ELF1: variants seen among roughly 807,000 people sequenced by gnomAD.
ELF1 encodes the protein E74 like ETS transcription factor 1.
A neutral mutation model predicts 59.9 loss-of-function variants in ELF1; 24 were observed. The ratio of observed to expected loss-of-function variants is 0.40; its 90% CI spans 0.29 to 0.56. The LOEUF is 0.56. Among genes scored for constraint, ELF1 ranks in the 20% least tolerant of loss-of-function variants. The pLI, the probability that ELF1 is intolerant of heterozygous loss-of-function variation, is 0.44. For missense variants in ELF1, 627 were observed against 742.2 expected (o/e 0.84, Z 1.80); for synonymous variants, 248 against 266.2 (o/e 0.93, Z 0.67).
chr13:40,980,655 C>T (rs1873204696), intron 2 of ELF1, among the ~76,000 whole-genome samples: 1 of 152,148 alleles, frequency 6.6e-6, no homozygotes, highest in Admixed American at 6.6e-5. Flanking sequence ...TCTGCTGCTA[C>T]ATCCTGAGAT....
intron 1 of ELF1, among the ~76,000 whole-genome samples, chr13:40,983,686 A>T (rs1873406530): frequency 6.9e-6 from 1 of 145,280 alleles, no homozygotes; most frequent in African/African-American, 2.6e-5. Flanking sequence ...TATCTAGAAG[A>T]GGGAAAAAAA....
At chr13:41,061,337 C>G (rs893425410) in exon 1 of ELF1, 2 of 448,254 alleles carry the variant, frequency 4.5e-6, no homozygotes, top group Non-Finnish European at 8.1e-6. Flanking sequence ...GGCGCAGGGA[C>G]TTGAGGCTTG....
At chr13:40,936,081 C>T (rs1869750471) in intron 8 of ELF1, among the ~76,000 whole-genome samples, 1 of 152,062 alleles carries the variant, frequency 6.6e-6, no homozygotes, top group African/African-American at 2.4e-5. Context: ...TATGTATAAC[C>T]TTGCCACCCT....
intron 1 of ELF1, among the ~76,000 whole-genome samples, chr13:40,997,281 G>A (rs989271053): frequency 2.0e-5 from 3 of 151,432 alleles, no homozygotes; most frequent in Admixed American, 1.3e-4. Context: ...CTTTTGAGAC[G>A]GAGTCTCACT....
At position 40,943,999 on chromosome 13, in the gene ELF1, C is replaced by T; in HGVS notation, c.530-74G>A. On this transcript the variant is annotated intron_variant, in intron 5 of 8. Coordinates refer to ENST00000239882, the MANE Select transcript of ELF1 (RefSeq NM_172373.4). ...AAAATGGACAATTCAGCTATTTTGT[C>T]GTTTACCCTAAATTTCAAGTGCCAA... 7.0e-6 allele frequency: 10 copies of T among 1,429,916 alleles called. No homozygotes were observed. The South Asian group carries it at 8.6e-5, about 12-fold the overall frequency. 88.6% of individuals were successfully genotyped at this position (1,429,916 alleles called of 1,614,324 possible). A position where few individuals can be genotyped will look rare whatever the true frequency, so the allele number is the denominator to read the frequency against.
rs9634763 is a variant in ELF1, at chr13:41,047,153, A to G, written c.-229+13685T>C. Among the ~76,000 whole-genome samples, 418 of 152,188 alleles carry G rather than the reference A, an allele frequency of 2.7e-3. 8 individuals carry two copies. The East Asian group carries it at 0.049, about 18-fold the overall frequency. On this transcript the variant is annotated intron_variant, in intron 1 of 1. Transcript: ENST00000405737. ...TCAGGTCGTTTAAGGACTTCTCTAC[A>G]CTGGTTATTCTAGGTAGCCATTTGT...
intron 2 of ELF1, among the ~76,000 whole-genome samples, chr13:40,964,111 C>T (rs7337596): frequency 0.99 from 150,290 of 152,296 alleles, 74,179 homozygotes; most frequent in East Asian, 1. Flanking sequence ...CTGGATTGAC[C>T]AGTAACTGGC....
exon 1 of ELF1, chr13:41,061,193 C>G: frequency 4.8e-6 from 1 of 206,452 alleles, no homozygotes; most frequent in South Asian, 7.0e-5. Flanking sequence ...AAGTTGAGAG[C>G]GGAGACGTCT....
At chr13:40,949,664 C>G (rs1387954111) in intron 5 of ELF1, 142 bp downstream of exon 5, 1 of 1,048,264 alleles carries the variant, frequency 9.5e-7, no homozygotes, top group Non-Finnish European at 1.4e-6. Flanking sequence ...CAAGAAATAA[C>G]TCATAATTTC....
At chr13:41,054,135 A>G (rs1017811577) in intron 1 of ELF1, among the ~76,000 whole-genome samples, 1 of 152,168 alleles carries the variant, frequency 6.6e-6, no homozygotes, top group Admixed American at 6.5e-5. Flanking sequence ...TAAAAAACCA[A>G]CCCTTCCATA....
intron 5 of ELF1, among the ~76,000 whole-genome samples, chr13:40,946,647 A>C (rs1014614709): frequency 6.6e-6 from 1 of 152,120 alleles, no homozygotes; most frequent in African/African-American, 2.4e-5. Context: ...TGAGACAGCA[A>C]GACCAAACCC....
At chr13:40,948,554 C>A (rs1235829543) in intron 5 of ELF1, among the ~76,000 whole-genome samples, 7 of 152,170 alleles carry the variant, frequency 4.6e-5, no homozygotes. Context: ...CTTGGAATTT[C>A]CCTGACTTTC....
chr13:40,975,526 A>G (rs1872851931), intron 2 of ELF1, among the ~76,000 whole-genome samples: 2 of 152,214 alleles, frequency 1.3e-5, no homozygotes, highest in African/African-American at 2.4e-5. Context: ...ACAATCTTTA[A>G]AAGTTATTTG....
rs1005872467 is a variant in ELF1, at chr13:40,993,389, G to A, written c.-228-11107C>T. 5 of 854,120 alleles carry A rather than the reference G, an allele frequency of 5.9e-6. No homozygotes were observed. The Admixed American group carries it at 1.0e-4, about 18-fold the overall frequency. 52.9% of individuals were successfully genotyped at this position (854,120 alleles called of 1,614,324 possible). Reference sequence around the variant, plus strand: ...TGCAGGTGTGGGCAGTGCACCGATGGGTCTGGGGGGAGCGGGGCTGGGCGG... The same window carrying A: ...TGCAGGTGTGGGCAGTGCACCGATGAGTCTGGGGGGAGCGGGGCTGGGCGG... On this transcript the variant is annotated intron_variant, in intron 1 of 8. Coordinates refer to ENST00000239882, the MANE Select transcript of ELF1 (RefSeq NM_172373.4).
chr13:40,963,888 G>A (rs958856687), intron 2 of ELF1, among the ~76,000 whole-genome samples: 7 of 151,748 alleles, frequency 4.6e-5, no homozygotes, highest in Non-Finnish European at 1.0e-4. Context: ...CTTGGGTGAC[G>A]GAGCAAGACT....
chr13:41,031,330 TGTAA>T (rs1876153760), intron 1 of ELF1, among the ~76,000 whole-genome samples: 1 of 152,200 alleles, frequency 6.6e-6, no homozygotes, highest in Non-Finnish European at 1.5e-5. Flanking sequence ...TACAACTAAC[TGTAA>T]GTGTGGACAA....
rs755874009 is a variant in ELF1 at position 40,934,578 on chromosome 13, G to A, written c.1257-550C>T. ...TGGGATTATAGTCACGTGCCACCACGCCCGGCTAATTTTTGTAGTTTTAAT... is the reference window on the plus strand; with the variant it reads ...TGGGATTATAGTCACGTGCCACCACACCCGGCTAATTTTTGTAGTTTTAAT... On this transcript the variant is annotated intron_variant, in intron 8 of 8. Transcript: ENST00000239882. Among the ~76,000 whole-genome samples, 10 of 151,888 alleles carry A rather than the reference G, an allele frequency of 6.6e-5. No individual in the cohort carries two copies. In the East Asian group the frequency reaches 1.6e-3, roughly 24 times the overall value.
intron 5 of ELF1, among the ~76,000 whole-genome samples, chr13:40,945,461 G>C (rs1216122986): frequency 6.6e-6 from 1 of 152,124 alleles, no homozygotes; most frequent in African/African-American, 2.4e-5. Context: ...CAATCCTCTT[G>C]AAGTAATGTA....
At chr13:41,017,321 A>G (rs959084324) in intron 1 of ELF1, among the ~76,000 whole-genome samples, 3 of 152,138 alleles carry the variant, frequency 2.0e-5, no homozygotes, top group Non-Finnish European at 4.4e-5. Context: ...AAGCAGTTCC[A>G]GACTGCGAAG....
Sources: gnomAD v4.1 joint callset for allele counts (sites outside exome capture counted in the v4.1 genomes callset) on GRCh38, gnomAD v4.1.1 for gene constraint, MANE v1.5 for transcripts, NCBI Gene and HGNC (gene_info 2026-07-23, HGNC 2026-07-21) for gene names.